The following LRRC7 variants were observed in gnomAD, a reference collection of about 807,000 sequenced individuals.
LRRC7 encodes leucine-rich repeat-containing protein 7.
In LRRC7, 23 loss-of-function variants were observed where a neutral mutation model predicts 175.7. The observed-to-expected ratio is 0.13, with a 90% CI of 0.09 to 0.19. The LOEUF (loss-of-function observed/expected upper bound fraction) is 0.19. Ranked by LOEUF, LRRC7 falls within the 10% of genes least tolerant of loss-of-function variation. The pLI is 1.00. For missense variants in LRRC7, 1,354 were observed against 1,904.7 expected (o/e 0.71, Z 5.38); for synonymous variants, 685 against 680.9 (o/e 1.01, Z -0.09).
At chr1:69,576,392 A>G (rs1344111175) in intron 1 of LRRC7, among the ~76,000 whole-genome samples, 1 of 152,154 alleles carries the variant, frequency 6.6e-6, no homozygotes, top group Non-Finnish European at 1.5e-5. Flanking sequence ...TTAGTCCACC[A>G]TATCTAGAAG....
rs1667208008 is a variant in LRRC7 at position 70,144,170 on chromosome 1, A to G, written c.*22283A>G. On this transcript the variant is annotated 3_prime_UTR_variant, in exon 27 of 27. Coordinates refer to ENST00000651989, the MANE Select transcript of LRRC7 (RefSeq NM_001370785.2). ...TGACACTAATTGGTAAAGGTGTACA[A>G]TGTGATTAGAATGCATTTTGAAGAT... The G allele has an allele frequency of 6.6e-6, 1 of 152,224 alleles. No individual in the cohort carries two copies. Among genetic ancestry groups the G allele is most frequent in the Non-Finnish European group, 1.5e-5 (1 of 68,034 alleles). The allele number at this position is 152,224 out of a possible 1,614,324, so 9.4% of individuals were successfully genotyped here. A position where few individuals can be genotyped will look rare whatever the true frequency, so the allele number is the denominator to read the frequency against.
intron 7 of LRRC7, among the ~76,000 whole-genome samples, chr1:69,895,838 A>G (rs1645963882): frequency 6.6e-6 from 1 of 152,176 alleles, no homozygotes; most frequent in Admixed American, 6.5e-5. Flanking sequence ...CTAGTGGTGA[A>G]TATTTGTGTT....
chr1:70,113,186 C>T (rs1253494470), intron 26 of LRRC7, among the ~76,000 whole-genome samples: 3 of 152,294 alleles, frequency 2.0e-5, no homozygotes, highest in East Asian at 1.9e-4. Context: ...CACTGAATCA[C>T]GCTTCCTTGT....
At chr1:69,958,672 T>G (rs747719923) in intron 8 of LRRC7, among the ~76,000 whole-genome samples, 33 of 151,864 alleles carry the variant, frequency 2.2e-4, no homozygotes, top group Non-Finnish European at 4.0e-4. Context: ...AAACACAAAT[T>G]TGGGAGAGCC....
At chr1:69,877,198 G>A (rs893025341) in intron 7 of LRRC7, among the ~76,000 whole-genome samples, 1 of 152,142 alleles carries the variant, frequency 6.6e-6, no homozygotes, top group African/African-American at 2.4e-5. Context: ...TTGATGAAAT[G>A]GTTTTAAGCA....
chr1:69,918,216 TATGTCAAAGAATTAACCAGTCCAAA>T (rs1189077450), intron 7 of LRRC7, among the ~76,000 whole-genome samples: 1 of 152,166 alleles, frequency 6.6e-6, no homozygotes, highest in African/African-American at 2.4e-5. Context: ...GATAGCCCCC[TATGTCAAAGAATTAACCAGTCCAAA>T]ATGTCAGTAG....
intron 7 of LRRC7, among the ~76,000 whole-genome samples, chr1:69,854,063 G>C (rs1683309666): frequency 6.6e-6 from 1 of 152,122 alleles, no homozygotes; most frequent in Non-Finnish European, 1.5e-5. Flanking sequence ...TTTTAGTTGA[G>C]ATCCTTGGAT....
chr1:69,955,491 A>G (rs1650397269), intron 8 of LRRC7, among the ~76,000 whole-genome samples: 1 of 152,012 alleles, frequency 6.6e-6, no homozygotes, highest in Non-Finnish European at 1.5e-5. Flanking sequence ...ATTGAGAGGA[A>G]GTCACAAAAA....
chr1:69,980,936 C>G (rs186132035), intron 9 of LRRC7, among the ~76,000 whole-genome samples: 74 of 152,210 alleles, frequency 4.9e-4, no homozygotes, highest in Non-Finnish European at 6.3e-4. Context: ...TGGCAAGGAT[C>G]ATACAGTATT....
At chr1:70,011,385 A>C (rs935038982) in intron 11 of LRRC7, among the ~76,000 whole-genome samples, 3 of 151,760 alleles carry the variant, frequency 2.0e-5, no homozygotes, top group African/African-American at 4.8e-5. Context: ...CTAACATTTT[A>C]TCAATGTTTT....
At chr1:69,828,665 TAAG>T (rs1317138228) in intron 5 of LRRC7, among the ~76,000 whole-genome samples, 2 of 152,080 alleles carry the variant, frequency 1.3e-5, no homozygotes, top group Non-Finnish European at 2.9e-5. Flanking sequence ...ATGGTTGTGC[TAAG>T]GAGGTAAAAT....
chr1:70,022,033 C>T (rs1053089253), intron 16 of LRRC7, among the ~76,000 whole-genome samples: 3 of 152,062 alleles, frequency 2.0e-5, no homozygotes, highest in Admixed American at 6.6e-5. Context: ...TCCACATTTT[C>T]TAAACTTTAT....
intron 1 of LRRC7, among the ~76,000 whole-genome samples, chr1:69,625,897 A>C (rs1651440448): frequency 6.6e-6 from 1 of 152,184 alleles, no homozygotes; most frequent in Non-Finnish European, 1.5e-5. Flanking sequence ...ATTTGAATAC[A>C]ATGTGTGTTT....
At chr1:69,618,643 T>C (rs1650064248) in intron 1 of LRRC7, among the ~76,000 whole-genome samples, 1 of 152,140 alleles carries the variant, frequency 6.6e-6, no homozygotes, top group Non-Finnish European at 1.5e-5. Context: ...AACTTCTTCT[T>C]CCCTATCATT....
At chr1:69,625,431 TA>T (rs1651342167) in intron 1 of LRRC7, among the ~76,000 whole-genome samples, 1 of 147,566 alleles carries the variant, frequency 6.8e-6, no homozygotes, top group Non-Finnish European at 1.5e-5. Flanking sequence ...GTTTGGGTTT[TA>T]TTAATTATCT....
chr1:69,642,279 TCTAA>T (rs1276157137), intron 1 of LRRC7, among the ~76,000 whole-genome samples: 2 of 152,004 alleles, frequency 1.3e-5, no homozygotes, highest in Non-Finnish European at 2.9e-5. Flanking sequence ...ATTAAATCAC[TCTAA>T]CTTATTCAAA....
At position 70,138,654 on chromosome 1, in the gene LRRC7, C is replaced by T. The variant is rs1313411207; in HGVS notation, c.*16767C>T. Reference sequence around the variant, plus strand: ...GGAGCCAAATTTAAATTCTCAATACCCTATGAGATTTTTTAAACTATTTTA... The same window carrying T: ...GGAGCCAAATTTAAATTCTCAATACTCTATGAGATTTTTTAAACTATTTTA... On this transcript the variant is annotated 3_prime_UTR_variant, in exon 27 of 27. Transcript: ENST00000651989. 3 of 152,044 alleles carry T rather than the reference C, an allele frequency of 2.0e-5. No individual in the cohort carries two copies. Among genetic ancestry groups the T allele is most frequent in the South Asian group, 4.1e-4 (2 of 4,822 alleles). The allele number at this position is 152,044 out of a possible 1,614,324, so 9.4% of individuals were successfully genotyped here.
rs117331093 is a variant in LRRC7 at position 69,754,270 on chromosome 1, A to G, written c.101-5921A>G. Among the ~76,000 whole-genome samples the G allele has an allele frequency of 4.6e-5, 7 of 152,218 alleles. No individual in the cohort carries two copies. The East Asian group carries it at 1.4e-3, about 29-fold the overall frequency. The stretch of plus-strand genomic sequence containing the variant: ...CTAGCTACACTGTGGAGTGAGAACA[A>G]TAGAAAGAGAAACACAGGAATAAAT... On this transcript the variant is annotated intron_variant, in intron 2 of 26. Coordinates refer to ENST00000651989, the MANE Select transcript of LRRC7 (RefSeq NM_001370785.2).
Position 70,016,445 on chromosome 1 carries a change from G to C in LRRC7, c.1251-20G>C, listed in dbSNP as rs938381434. The C allele has an allele frequency of 1.2e-5, 18 of 1,554,104 alleles. No homozygotes were observed. The highest frequency in any genetic ancestry group is 1.6e-5 in the Non-Finnish European group (18 of 1,146,940). On this transcript the variant is annotated intron_variant, in intron 13 of 26. Coordinates refer to ENST00000651989, the MANE Select transcript of LRRC7 (RefSeq NM_001370785.2). ...TTATCCATCTTTACCCATGCTATTA[G>C]ACTTTTTGTGTTTTTGCAGATTGAA...
Sources: gnomAD v4.1 joint callset for allele counts (sites outside exome capture counted in the v4.1 genomes callset) on GRCh38, gnomAD v4.1.1 for gene constraint, MANE v1.5 for transcripts, NCBI Gene and HGNC (gene_info 2026-07-23, HGNC 2026-07-21) for gene names.